Variants in MGAM observed in about 807,000 individuals in gnomAD.
The protein encoded by MGAM is maltase-glucoamylase.
In MGAM, 253 loss-of-function variants were observed where a neutral mutation model predicts 358.8. That is an observed-to-expected ratio of 0.71 (90% CI 0.64 to 0.78). The LOEUF (loss-of-function observed/expected upper bound fraction) is 0.78. MGAM is among the 30% of genes least tolerant of loss of function. MGAM has a pLI of 0.00. For synonymous variants in MGAM, 1,105 were observed against 1,227.1 expected (o/e 0.90, Z 2.08); for missense variants, 3,080 against 3,432.6 (o/e 0.90, Z 2.57).
chr7:142,037,462 C>T (rs1808093979), intron 18 of MGAM, among the ~76,000 whole-genome samples: 1 of 152,116 alleles, frequency 6.6e-6, no homozygotes, highest in South Asian at 2.1e-4. Flanking sequence ...ATTTCTCAGG[C>T]AATGAACATC....
rs545499788 is a variant in MGAM, at chr7:142,058,329, G to A, written c.3819+1G>A. 3 of 1,613,878 alleles carry A rather than the reference G, an allele frequency of 1.9e-6. No homozygotes were observed. Among genetic ancestry groups the A allele is most frequent in the African/African-American group, 2.7e-5 (2 of 75,046 alleles). On this transcript the variant is annotated splice_donor_variant, in intron 31 of 70. Coordinates refer to ENST00000475668, the MANE Select transcript of MGAM (RefSeq NM_001365693.1). LOFTEE classifies it high-confidence loss of function. ...GATGGTGGCTGCCCAGATCCCTTAT[G>A]TACGTTCTCAGTCATGGCTCTGGAG...
In MGAM at chr7:142,008,681, C is replaced by T. The variant is rs782307260; in HGVS notation, c.303C>T (p.Cys101=). ...TAAATGAATTGGAACGAATTAATTG[C>T]ATCCCTGACCAGCCGCCAACAAAGG... ...PVVNELERIN[C]IPDQPPTKAT... The change falls in exon 3 of 71, where the codon TGC becomes TGT. Residue 101 remains cysteine, a synonymous_variant. Coordinates refer to ENST00000475668, the MANE Select transcript of MGAM (RefSeq NM_001365693.1). The T allele has an allele frequency of 6.2e-7, 1 of 1,612,944 alleles. No homozygotes were observed. The highest frequency in any genetic ancestry group is 1.7e-5 in the Admixed American group (1 of 59,844).
intron 3 of MGAM, among the ~76,000 whole-genome samples, chr7:142,017,797 A>T (rs1806091749): frequency 6.6e-6 from 1 of 152,176 alleles, no homozygotes; most frequent in African/African-American, 2.4e-5. Flanking sequence ...AAATTTCATT[A>T]TTTGTATAAC....
At chr7:142,036,762 C>G (rs782232928) in intron 17 of MGAM, 61 bp from the exon 18 acceptor site, 106 of 1,528,230 alleles carry the variant, frequency 6.9e-5, no homozygotes, top group Non-Finnish European at 9.2e-5. Flanking sequence ...GTCTGGAATT[C>G]TGCAGGTGCT....
chr7:142,057,013 A>T lies in MGAM; in HGVS notation c.3693+71A>T, dbSNP rs1811619509. 2.9e-6 allele frequency: 4 copies of T among 1,384,030 alleles called. No homozygotes were observed. The Admixed American group carries it at 8.5e-5, about 29-fold the overall frequency. The allele number at this position is 1,384,030 out of a possible 1,614,324, so 85.7% of individuals were successfully genotyped here. On this transcript the variant is annotated intron_variant, in intron 30 of 70. Transcript: ENST00000475668. ...CTGGGTGCCAGAGTCCACATTGATT[A>T]GTATAACTCTCAGTTGACAACTGGA...
intron 43 of MGAM, 21 bp downstream of exon 43, chr7:142,068,724 A>G: frequency 6.8e-7 from 1 of 1,470,292 alleles, no homozygotes; most frequent in Non-Finnish European, 9.4e-7. Context: ...CTGAATGTTT[A>G]TATAACACGG....
intron 10 of MGAM, 36 bp downstream of exon 10, chr7:142,027,771 G>T: frequency 6.7e-7 from 1 of 1,482,198 alleles, no homozygotes; most frequent in Non-Finnish European, 9.0e-7. Flanking sequence ...CAAAAGTAAA[G>T]AAATTCCCTT....
Position 142,050,292 on chromosome 7 carries a change from G to A in MGAM, c.2637+8G>A. On this transcript the variant is annotated splice_region_variant and intron_variant, in intron 23 of 70. Transcript: ENST00000475668. ...GAGTTTTCTGTCACTCAAGTGAGTA[G>A]CATATTTTTATGAATCTTAGGTGTG... 3.1e-6 allele frequency: 5 copies of A among 1,612,622 alleles called. No homozygotes were observed. Among genetic ancestry groups the A allele is most frequent in the South Asian group, 2.2e-5 (2 of 91,072 alleles).
In MGAM at chr7:142,005,726, A is replaced by G. The variant is rs556754316; in HGVS notation, c.127+69A>G. 72 of 1,468,874 alleles carry G rather than the reference A, an allele frequency of 4.9e-5. No homozygotes were observed. The African/African-American group carries it at 9.3e-4, about 19-fold the overall frequency. 91.0% of individuals were successfully genotyped at this position (1,468,874 alleles called of 1,614,324 possible). On this transcript the variant is annotated intron_variant, in intron 2 of 70. Coordinates refer to ENST00000475668, the MANE Select transcript of MGAM (RefSeq NM_001365693.1). ...AGAGCAAACCTTCAACAATGTCAGG[A>G]AAGTAATGCTTTCATGCTCATGTGT...
intron 13 of MGAM, 67 bp from the exon 14 acceptor site, chr7:142,032,758 A>G: frequency 1.1e-6 from 1 of 905,040 alleles, no homozygotes; most frequent in Non-Finnish European, 1.7e-6. Context: ...TTAAAAAAAG[A>G]CACCATCACG....
chr7:142,070,910 G>A lies in MGAM; in HGVS notation c.5062-84G>A, dbSNP rs758931277. 1.8e-4 allele frequency: 273 copies of A among 1,485,236 alleles called. 42 individuals carry two copies. The highest frequency in any genetic ancestry group is 2.5e-4 in the Non-Finnish European group (265 of 1,074,564). 92.0% of individuals were successfully genotyped at this position (1,485,236 alleles called of 1,614,324 possible). A position where few individuals can be genotyped will look rare whatever the true frequency, so the allele number is the denominator to read the frequency against. On this transcript the variant is annotated intron_variant, in intron 43 of 70. Transcript: ENST00000475668. ...GATGAACAGGCATAAGTTCAGAGGG[G>A]AGGATGAGATGTCTGGCAGGATGCA...
In MGAM at chr7:142,008,543, G is replaced by GACAACTGGTACCCCAGATCCTGGA. The variant is rs782803503; in HGVS notation, c.178_201dup (p.Pro60_Thr67dup). 3.1e-6 allele frequency: 5 copies of GACAACTGGTACCCCAGATCCTGGA among 1,611,982 alleles called. No homozygotes were observed. The highest frequency in any genetic ancestry group is 4.2e-6 in the Non-Finnish European group (5 of 1,178,930). Reference sequence around the variant, plus strand: ...GGACAACTGGTACCCCAGATCCTGGGACAACTGGTACCCCAGATCCTGGAA... The same window carrying GACAACTGGTACCCCAGATCCTGGA: ...GGACAACTGGTACCCCAGATCCTGGGACAACTGGTACCCCAGATCCTGGAACAACTGGTACCCCAGATCCTGGAA... On this transcript the variant is annotated inframe_insertion, in exon 3 of 71. Coordinates refer to ENST00000475668, the MANE Select transcript of MGAM (RefSeq NM_001365693.1).
intron 59 of MGAM, among the ~76,000 whole-genome samples, chr7:142,093,025 A>G (rs111602267): frequency 2.7e-5 from 4 of 146,606 alleles, no homozygotes; most frequent in African/African-American, 9.7e-5. Flanking sequence ...TGTTCTCTCT[A>G]GGAGTTTTGT....
intron 1 of MGAM, among the ~76,000 whole-genome samples, chr7:141,997,462 TC>T (rs373256699): frequency 3.2e-4 from 48 of 152,200 alleles, no homozygotes; most frequent in African/African-American, 1.1e-3. Context: ...TATCAGGCAT[TC>T]CCTCACAAAT....
rs745885413 is a variant in MGAM at position 142,040,208 on chromosome 7, T to G, written c.2373+37T>G. Reference sequence around the variant, plus strand: ...TGACTTTTCTTCTACTCCTTAAGACTGTAGCTGCAGCTGCATAGACAAGCT... The same window carrying G: ...TGACTTTTCTTCTACTCCTTAAGACGGTAGCTGCAGCTGCATAGACAAGCT... On this transcript the variant is annotated intron_variant, in intron 20 of 70. Coordinates refer to ENST00000475668, the MANE Select transcript of MGAM (RefSeq NM_001365693.1). 1.1e-5 allele frequency: 16 copies of G among 1,507,902 alleles called. No homozygotes were observed. The Admixed American group carries it at 2.7e-4, about 26-fold the overall frequency. 93.4% of individuals were successfully genotyped at this position (1,507,902 alleles called of 1,614,324 possible).
intron 2 of MGAM, among the ~76,000 whole-genome samples, chr7:142,005,881 T>C (rs1316727846): frequency 6.6e-6 from 1 of 152,072 alleles, no homozygotes; most frequent in East Asian, 1.9e-4. Context: ...AATTCCATAA[T>C]TGACTTTTTA....
Position 142,066,648 on chromosome 7 carries a change from T to C in MGAM, c.4846T>C (p.Leu1616=), listed in dbSNP as rs185673806. Residue 1616 remains leucine, a synonymous_variant, in exon 41 of 71, where the codon TTG becomes CTG. Coordinates refer to ENST00000475668, the MANE Select transcript of MGAM (RefSeq NM_001365693.1). ...RNVLQTRYTL[L]PYLYTLMQKA... ...TGTCCTGCAGACCAGATACACCCTG[T>C]TGCCATATCTGTATACCTTGATGCA... The C allele has an allele frequency of 8.4e-5, 130 of 1,556,182 alleles. 12 individuals are homozygous for C. In the East Asian group the frequency reaches 2.4e-3, roughly 29 times the overall value.
chr7:141,988,545 A>G (rs1803808875), intron 2 of MGAM, among the ~76,000 whole-genome samples: 1 of 151,932 alleles, frequency 6.6e-6, no homozygotes, highest in Non-Finnish European at 1.5e-5. Context: ...TTATATCTTT[A>G]GTAGAGACGG....
chr7:142,095,418 CTATTAAGAA>C, intron 63 of MGAM, 138 bp from the exon 64 acceptor site: 1 of 1,174,898 alleles, frequency 8.5e-7, no homozygotes, highest in Non-Finnish European at 1.2e-6. Context: ...CTTTTCCAGT[CTATTAAGAA>C]TATTCTCTGG....
Sources: allele counts gnomAD v4.1 joint callset (sites outside exome capture counted in the v4.1 genomes callset), GRCh38; gene constraint gnomAD v4.1.1; transcripts MANE v1.5; gene names NCBI Gene and HGNC (gene_info 2026-07-23, HGNC 2026-07-21).